HYDIN: variants seen among roughly 807,000 people sequenced by gnomAD.
HYDIN encodes HYDIN axonemal central pair apparatus protein.
In HYDIN, 132 loss-of-function variants were observed where a neutral mutation model predicts 403.9. The ratio of observed to expected loss-of-function variants is 0.33; its 90% CI spans 0.28 to 0.38. The LOEUF (loss-of-function observed/expected upper bound fraction) is 0.38, where lower values mean the gene tolerates loss of function less well. Among genes scored for constraint, HYDIN ranks in the 10% least tolerant of loss-of-function variants. The pLI is 1.00. For synonymous variants in HYDIN, 1,202 were observed against 1,891.7 expected (o/e 0.64, Z 9.46); for missense variants, 2,827 against 5,009.5 (o/e 0.56, Z 13.15).
At chr16:71,181,860 A>C (rs1293283885) in intron 3 of HYDIN, among the ~76,000 whole-genome samples, 1 of 152,202 alleles carries the variant, frequency 6.6e-6, no homozygotes, top group African/African-American at 2.4e-5. Context: ...TCATACAAAA[A>C]ATATAGAAAT....
intron 80 of HYDIN, 148 bp downstream of exon 80, chr16:70,832,700 G>A: frequency 3.3e-6 from 2 of 613,358 alleles, no homozygotes; most frequent in Non-Finnish European, 5.8e-6. Flanking sequence ...AATGAAGAGG[G>A]GAGAATGAAT....
intron 72 of HYDIN, among the ~76,000 whole-genome samples, chr16:70,856,063 T>C (rs1257019162): frequency 6.8e-6 from 1 of 147,070 alleles, no homozygotes; most frequent in Non-Finnish European, 1.5e-5. Context: ...TCAGATTTGA[T>C]AGTTTTCTTC....
At chr16:71,043,230 T>C (rs1016142511) in intron 18 of HYDIN, among the ~76,000 whole-genome samples, 2 of 149,592 alleles carry the variant, frequency 1.3e-5, no homozygotes, top group Non-Finnish European at 3.0e-5. Context: ...GCCTTCTCTT[T>C]GTGTCCAGTG....
At chr16:70,834,258 G>A in intron 78 of HYDIN, 94 bp from the exon 79 acceptor site, 1 of 731,208 alleles carries the variant, frequency 1.4e-6, no homozygotes, top group Non-Finnish European at 2.3e-6. Context: ...TGGAACAGGG[G>A]TCAGATCTCA....
rs76314377 is a variant in HYDIN, at chr16:71,222,607, T to C, written c.-24+7955A>G. On this transcript the variant is annotated intron_variant, in intron 1 of 85. Transcript: ENST00000393567. Reference sequence around the variant, plus strand: ...CCTAAAGACTCATCCAAAAGGCTCCTAGATCTGATGAACGAATTCAGTAAA... The same window carrying C: ...CCTAAAGACTCATCCAAAAGGCTCCCAGATCTGATGAACGAATTCAGTAAA... Among the ~76,000 whole-genome samples, 1,050 of 152,282 alleles carry C rather than the reference T, an allele frequency of 6.9e-3. 2 individuals are homozygous for C. The highest frequency in any genetic ancestry group is 0.012 in the Non-Finnish European group (843 of 68,010).
At chr16:70,956,797 G>A (rs1391513157) in intron 39 of HYDIN, among the ~76,000 whole-genome samples, 1 of 151,934 alleles carries the variant, frequency 6.6e-6, no homozygotes, top group Admixed American at 6.6e-5. Flanking sequence ...AGACCTATGG[G>A]AGTATAAATT....
chr16:71,125,951 G>C (rs1438875140), intron 9 of HYDIN, among the ~76,000 whole-genome samples: 1 of 150,362 alleles, frequency 6.7e-6, no homozygotes, highest in Non-Finnish European at 1.5e-5. Flanking sequence ...CTCACCCTCT[G>C]TCTGTGTCCA....
In HYDIN at chr16:70,905,786, A is replaced by G. The variant is rs560558954; in HGVS notation, c.8516+1586T>C. On this transcript the variant is annotated intron_variant, in intron 50 of 85. Coordinates refer to ENST00000393567, the MANE Select transcript of HYDIN (RefSeq NM_001270974.2). ...CTGGTTAATTCCAATGCTGCCCCAA[A>G]CATGTGCCTCTTTGAACAACCATCA... 2.6e-5 allele frequency among the ~76,000 whole-genome samples: 4 copies of G among 152,092 alleles called. No individual in the cohort carries two copies. The South Asian group carries it at 8.3e-4, about 32-fold the overall frequency.
chr16:71,144,504 A>G (rs2085295451), intron 7 of HYDIN, among the ~76,000 whole-genome samples: 1 of 144,046 alleles, frequency 6.9e-6, no homozygotes, highest in Non-Finnish European at 1.5e-5. Context: ...ACTATAATAA[A>G]AAAGATAATT....
chr16:71,082,128 C>T (rs1375512148), intron 12 of HYDIN, among the ~76,000 whole-genome samples: 1 of 151,526 alleles, frequency 6.6e-6, no homozygotes, highest in East Asian at 1.9e-4. Context: ...ATTCCAGAAC[C>T]TACGATATTA....
At chr16:71,130,137 A>T (rs1246288311) in intron 8 of HYDIN, among the ~76,000 whole-genome samples, 1 of 152,250 alleles carries the variant, frequency 6.6e-6, no homozygotes, top group Non-Finnish European at 1.5e-5. Flanking sequence ...CCTGTTTTCC[A>T]GGCTGCTTTT....
chr16:71,139,617 T>C (rs985424723), intron 7 of HYDIN, among the ~76,000 whole-genome samples: 4 of 151,786 alleles, frequency 2.6e-5, no homozygotes, highest in Admixed American at 6.6e-5. Context: ...AAATTCAAAA[T>C]AAATATTTAA....
At chr16:71,177,505 A>G (rs1374735682) in intron 4 of HYDIN, among the ~76,000 whole-genome samples, 1 of 152,208 alleles carries the variant, frequency 6.6e-6, no homozygotes, top group Non-Finnish European at 1.5e-5. Flanking sequence ...AGAATGAAAC[A>G]GACCATTTTC....
At position 70,966,782 on chromosome 16, in the gene HYDIN, G is replaced by C. The variant is rs57018373; in HGVS notation, c.5620-1886C>G. On this transcript the variant is annotated intron_variant, in intron 36 of 85. Transcript: ENST00000393567. ...TGTCATTCCCATGATCTCTGCCTGAGAAATCCACCAGAGAATGAGCTGTAG... is the reference window on the plus strand; with the variant it reads ...TGTCATTCCCATGATCTCTGCCTGACAAATCCACCAGAGAATGAGCTGTAG... Among the ~76,000 whole-genome samples, 865 of 152,274 alleles carry C rather than the reference G, an allele frequency of 5.7e-3. 7 individuals carry two copies. Among genetic ancestry groups the C allele is most frequent in the African/African-American group, 0.02 (820 of 41,548 alleles).
intron 1 of HYDIN, among the ~76,000 whole-genome samples, chr16:71,212,672 AC>A (rs1163424680): frequency 6.6e-6 from 1 of 152,174 alleles, no homozygotes; most frequent in Non-Finnish European, 1.5e-5. Context: ...GGACAAAAAG[AC>A]AAAAAAAGTA....
Position 70,807,890 on chromosome 16 carries a change from C to A in HYDIN, c.15056G>T (p.Gly5019Val). Residue 5019 changes from glycine to valine, a missense_variant, in exon 86 of 86, where the codon GGA (glycine) becomes GTA (valine). Coordinates refer to ENST00000393567, the MANE Select transcript of HYDIN (RefSeq NM_001270974.2). ...AGGEYIIPLF[G>V]MALPPKPQGP... is the part of the protein sequence containing the mutation. ...TTGGGGCTTGGGAGGCAGAGCCATT[C>A]CAAAGAGGGGGATGATATACTCTCC... The A allele has an allele frequency of 6.2e-7, 1 of 1,614,122 alleles. No homozygotes were observed. Among genetic ancestry groups the A allele is most frequent in the Non-Finnish European group, 8.5e-7 (1 of 1,180,022 alleles).
chr16:70,976,137 A>C (rs1315099452), intron 30 of HYDIN, among the ~76,000 whole-genome samples: 2 of 152,196 alleles, frequency 1.3e-5, no homozygotes, highest in Non-Finnish European at 2.9e-5. Flanking sequence ...ATGTCGATTT[A>C]GGATAAACTA....
At chr16:70,904,477 A>C (rs1012104029) in intron 50 of HYDIN, among the ~76,000 whole-genome samples, 2 of 48,984 alleles carry the variant, frequency 4.1e-5, no homozygotes, top group Non-Finnish European at 5.5e-5. Context: ...CACTTGAGTA[A>C]CTTTTTTTTT....
At chr16:70,949,012 T>C (rs1481909799) in intron 41 of HYDIN, among the ~76,000 whole-genome samples, 2 of 150,328 alleles carry the variant, frequency 1.3e-5, no homozygotes, top group East Asian at 3.9e-4. Context: ...TGCACATGTA[T>C]GTTTATTGCG....
Sources: gnomAD v4.1 joint callset for allele counts (sites outside exome capture counted in the v4.1 genomes callset) on GRCh38, gnomAD v4.1.1 for gene constraint, MANE v1.5 for transcripts, NCBI Gene and HGNC (gene_info 2026-07-23, HGNC 2026-07-21) for gene names.